CTIF: variants seen among roughly 807,000 people sequenced by gnomAD.
The protein encoded by CTIF is CBP80/20-dependent translation initiation factor.
CTIF carries 21 observed loss-of-function variants against 66.0 expected under a neutral mutation model. That is an observed-to-expected ratio of 0.32 (90% CI 0.23 to 0.46). CTIF has a LOEUF of 0.46. CTIF is among the 20% of genes least tolerant of loss of function. CTIF has a pLI of 1.00. For synonymous variants in CTIF, 345 were observed against 326.4 expected (o/e 1.06, Z -0.62); for missense variants, 739 against 812.7 (o/e 0.91, Z 1.10).
chr18:48,641,604 G>A (rs1028717830), intron 3 of CTIF, among the ~76,000 whole-genome samples: 29 of 152,220 alleles, frequency 1.9e-4, no homozygotes, highest in African/African-American at 6.0e-4. Context: ...GAAGCATAAA[G>A]AGAGTCAAAG....
chr18:48,829,508 AG>A (rs1483175349), intron 10 of CTIF, among the ~76,000 whole-genome samples: 1 of 151,706 alleles, frequency 6.6e-6, no homozygotes, highest in Non-Finnish European at 1.5e-5. Flanking sequence ...ACCTTAAGGG[AG>A]GATCCAGGCA....
At chr18:48,582,248 G>T (rs1467491889) in intron 1 of CTIF, among the ~76,000 whole-genome samples, 1 of 152,082 alleles carries the variant, frequency 6.6e-6, no homozygotes, top group African/African-American at 2.4e-5. Context: ...TGGCAAGGCG[G>T]CAGGGGGCAG....
chr18:48,706,026 T>A (rs1266263067), intron 6 of CTIF, among the ~76,000 whole-genome samples: 1 of 152,164 alleles, frequency 6.6e-6, no homozygotes, highest in Non-Finnish European at 1.5e-5. Context: ...GCGGGCCCCC[T>A]ACATTTGTCG....
chr18:48,664,947 G>C (rs1174401900), intron 5 of CTIF, among the ~76,000 whole-genome samples: 1 of 134,164 alleles, frequency 7.5e-6, no homozygotes, highest in Non-Finnish European at 1.6e-5. Flanking sequence ...TCGCTCTGTC[G>C]CCCAGGCCGG....
chr18:48,575,885 C>T lies in CTIF; in HGVS notation c.-29+36573C>T, dbSNP rs376765932. ...GTTGGAGTAAGGGCTTTTGCCTGGACGAAGGCCTAGTCAATGAGAGTGCTT... is the reference window on the plus strand; with the variant it reads ...GTTGGAGTAAGGGCTTTTGCCTGGATGAAGGCCTAGTCAATGAGAGTGCTT... On this transcript the variant is annotated intron_variant, in intron 1 of 11. Transcript: ENST00000256413. Among the ~76,000 whole-genome samples, 352 of 152,234 alleles carry T rather than the reference C, an allele frequency of 2.3e-3. 1 individual carries two copies. Among genetic ancestry groups the T allele is most frequent in the Middle Eastern group, 6.8e-3 (2 of 294 alleles).
intron 1 of CTIF, among the ~76,000 whole-genome samples, chr18:48,603,386 G>GATGGATGGATGGATGA (rs2090136998): frequency 6.7e-6 from 1 of 149,302 alleles, no homozygotes; most frequent in African/African-American, 2.5e-5. Context: ...TGGATGGATG[G>GATGGATGGATGGATGA]ATGGATGGAT....
chr18:48,684,129 C>T lies in CTIF; in HGVS notation c.507+13385C>T, dbSNP rs142141244. ...TTGTGGCTCTGATTAGATCATTCAT[C>T]TCCAACGTAGTATAATGTGGGGCCA... On this transcript the variant is annotated intron_variant, in intron 6 of 11. Transcript: ENST00000256413. 5.1e-4 allele frequency among the ~76,000 whole-genome samples: 78 copies of T among 152,310 alleles called. 1 individual carries two copies. The East Asian group carries it at 0.014, about 27-fold the overall frequency.
intron 9 of CTIF, among the ~76,000 whole-genome samples, chr18:48,780,327 C>T (rs1257135134): frequency 1.3e-5 from 2 of 152,302 alleles, no homozygotes; most frequent in Admixed American, 6.5e-5. Flanking sequence ...CAGAGTGCTA[C>T]CCGGAGAAAG....
At chr18:48,770,699 C>T (rs1440061796) in intron 9 of CTIF, among the ~76,000 whole-genome samples, 1 of 152,270 alleles carries the variant, frequency 6.6e-6, no homozygotes, top group Non-Finnish European at 1.5e-5. Flanking sequence ...AACGCTGAGG[C>T]CTGAGGAGTA....
intron 1 of CTIF, among the ~76,000 whole-genome samples, chr18:48,587,352 T>C (rs1024007142): frequency 5.9e-5 from 9 of 152,116 alleles, no homozygotes; most frequent in Non-Finnish European, 2.9e-5. Flanking sequence ...AGTGCTGGGA[T>C]TACAGGCATG....
intron 6 of CTIF, among the ~76,000 whole-genome samples, chr18:48,704,989 C>T (rs2092133433): frequency 6.6e-6 from 1 of 152,222 alleles, no homozygotes. Flanking sequence ...CCCCTAAGTG[C>T]ATGCTGACCA....
chr18:48,576,888 T>C (rs61635721), intron 1 of CTIF, among the ~76,000 whole-genome samples: 399 of 152,396 alleles, frequency 2.6e-3, no homozygotes, highest in African/African-American at 9.3e-3. Flanking sequence ...GAGAACATTC[T>C]AGAAGGGTGA....
At chr18:48,717,873 G>T (rs1252490705) in intron 7 of CTIF, among the ~76,000 whole-genome samples, 1 of 151,820 alleles carries the variant, frequency 6.6e-6, no homozygotes. Flanking sequence ...GGGACTATAG[G>T]CACCCGCCAC....
intron 6 of CTIF, among the ~76,000 whole-genome samples, chr18:48,708,908 G>A (rs79714357): frequency 0.081 from 12,263 of 152,192 alleles, 588 homozygotes; most frequent in South Asian, 0.2. Context: ...GAGGACAGGT[G>A]CCTGTGCTGC....
intron 5 of CTIF, among the ~76,000 whole-genome samples, chr18:48,669,793 TTATATATATATA>T (rs57715945): frequency 0.015 from 729 of 47,252 alleles, 23 homozygotes; most frequent in South Asian, 0.024. Flanking sequence ...AGCTAAACAT[TTATATATATATA>T]TATATATATA....
At chr18:48,799,802 G>T (rs4286166) in intron 9 of CTIF, among the ~76,000 whole-genome samples, 64,092 of 152,088 alleles carry the variant, frequency 0.42, 15,172 homozygotes, top group African/African-American at 0.65. Context: ...GGGCCTCCAG[G>T]GGCCTAGACG....
Position 48,568,633 on chromosome 18 carries a change from T to TAAAAAAAAAAAAAAAAAAAAAAAAAAAA in CTIF, c.-29+29329_-29+29356dup, listed in dbSNP as rs58084631. ...GAAATACCTGAGACTGGGCAATTTG[T>TAAAAAAAAAAAAAAAAAAAAAAAAAAAA]AAAAAAAAAAAAAAAAAAAAAAAAA... On this transcript the variant is annotated intron_variant, in intron 1 of 11. Transcript: ENST00000256413. 3.3e-4 allele frequency among the ~76,000 whole-genome samples: 12 copies of TAAAAAAAAAAAAAAAAAAAAAAAAAAAA among 36,644 alleles called. 2 individuals carry two copies. Among genetic ancestry groups the TAAAAAAAAAAAAAAAAAAAAAAAAAAAA allele is most frequent in the Non-Finnish European group, 6.6e-4 (11 of 16,556 alleles). 24.0% of individuals were successfully genotyped at this position (36,644 alleles called of 152,430 possible).
At chr18:48,685,284 G>C (rs2091820792) in intron 6 of CTIF, among the ~76,000 whole-genome samples, 2 of 151,884 alleles carry the variant, frequency 1.3e-5, no homozygotes, top group African/African-American at 4.8e-5. Flanking sequence ...GTGCAATGGT[G>C]CGACCTCGGC....
intron 1 of CTIF, among the ~76,000 whole-genome samples, chr18:48,580,696 G>T (rs1280339134): frequency 6.6e-6 from 1 of 152,178 alleles, no homozygotes; most frequent in Non-Finnish European, 1.5e-5. Context: ...CCGGACCGTC[G>T]TCTTTCTGGG....
Sources: allele counts gnomAD v4.1 joint callset (sites outside exome capture counted in the v4.1 genomes callset), GRCh38; gene constraint gnomAD v4.1.1; transcripts MANE v1.5; gene names NCBI Gene and HGNC (gene_info 2026-07-23, HGNC 2026-07-21).